Variants in FSIP1 observed in about 807,000 individuals in gnomAD.
FSIP1 encodes fibrous sheath interacting protein 1, also known as fibrous sheath-interacting protein 1.
FSIP1 carries 65 observed loss-of-function variants against 60.9 expected under a neutral mutation model. That is an observed-to-expected ratio of 1.07 (90% CI 0.87 to 1.31). The LOEUF is 1.31. Among genes scored for constraint, FSIP1 ranks in the 40% most tolerant of loss-of-function variants. The pLI is 0.00. For synonymous variants in FSIP1, 209 were observed against 221.2 expected (o/e 0.94, Z 0.49); for missense variants, 675 against 665.5 (o/e 1.01, Z -0.16).
chr15:39,630,077 C>G (rs1442812237), intron 10 of FSIP1, among the ~76,000 whole-genome samples: 2 of 152,216 alleles, frequency 1.3e-5, no homozygotes, highest in East Asian at 3.8e-4. Context: ...AGACACGTAT[C>G]TGAAATATCT....
At chr15:39,738,947 T>C (rs188125071) in intron 7 of FSIP1, among the ~76,000 whole-genome samples, 18 of 152,314 alleles carry the variant, frequency 1.2e-4, no homozygotes, top group African/African-American at 4.3e-4. Flanking sequence ...TAACTCTCTC[T>C]TGTCAATACT....
At chr15:39,704,391 C>A (rs1013930953) in intron 10 of FSIP1, among the ~76,000 whole-genome samples, 1 of 152,218 alleles carries the variant, frequency 6.6e-6, no homozygotes, top group African/African-American at 2.4e-5. Context: ...CATGTCAGGT[C>A]TGTTTGGAGT....
intron 5 of FSIP1, among the ~76,000 whole-genome samples, chr15:39,755,604 C>G (rs1897277203): frequency 6.6e-6 from 1 of 152,124 alleles, no homozygotes; most frequent in Admixed American, 6.6e-5. Context: ...GTGATTTCCT[C>G]CCTCTACCCT....
intron 10 of FSIP1, among the ~76,000 whole-genome samples, chr15:39,683,714 G>C (rs1894254557): frequency 6.6e-6 from 1 of 152,130 alleles, no homozygotes; most frequent in Non-Finnish European, 1.5e-5. Flanking sequence ...GAACTAATAA[G>C]TCATTTTAGC....
In FSIP1 at chr15:39,600,200, T is replaced by C. The variant is rs1050531215; in HGVS notation, c.*680A>G. 4 of 152,204 alleles carry C rather than the reference T, an allele frequency of 2.6e-5. No individual in the cohort carries two copies. Among genetic ancestry groups the C allele is most frequent in the Non-Finnish European group, 5.9e-5 (4 of 68,034 alleles). The allele number at this position is 152,204 out of a possible 1,614,324, so 9.4% of individuals were successfully genotyped here. A position where few individuals can be genotyped will look rare whatever the true frequency, so the allele number is the denominator to read the frequency against. On this transcript the variant is annotated 3_prime_UTR_variant, in exon 12 of 12. Coordinates refer to ENST00000350221, the MANE Select transcript of FSIP1 (RefSeq NM_152597.5). Reference sequence around the variant, plus strand: ...TGACTTGTAACTAAACCATCTCTCTTCAAATAGTACCGCAGACTGTCTTTT... The same window carrying C: ...TGACTTGTAACTAAACCATCTCTCTCCAAATAGTACCGCAGACTGTCTTTT...
chr15:39,774,326 T>C (rs1897982160), intron 2 of FSIP1, among the ~76,000 whole-genome samples: 1 of 152,010 alleles, frequency 6.6e-6, no homozygotes, highest in Non-Finnish European at 1.5e-5. Context: ...CTACTAAAAA[T>C]AGAAAAATTA....
At chr15:39,775,010 T>G (rs1387041394) in intron 2 of FSIP1, among the ~76,000 whole-genome samples, 5 of 152,114 alleles carry the variant, frequency 3.3e-5, no homozygotes, top group Admixed American at 3.3e-4. Flanking sequence ...CTAAACTCTT[T>G]TTTGCAGTGG....
chr15:39,770,753 T>C, intron 2 of FSIP1, 143 bp from the exon 3 acceptor site: 4 of 522,022 alleles, frequency 7.7e-6, no homozygotes, highest in Middle Eastern at 4.9e-4. Flanking sequence ...ATTCTAGAAA[T>C]ATAACACTCT....
At chr15:39,775,121 TC>T (rs1898010885) in intron 2 of FSIP1, among the ~76,000 whole-genome samples, 1 of 152,196 alleles carries the variant, frequency 6.6e-6, no homozygotes. Flanking sequence ...AATCAAGCTA[TC>T]CTCTTGCCTC....
At chr15:39,622,856 T>C (rs1891492633) in intron 10 of FSIP1, among the ~76,000 whole-genome samples, 1 of 152,176 alleles carries the variant, frequency 6.6e-6, no homozygotes, top group Non-Finnish European at 1.5e-5. Flanking sequence ...CTGCTGCTCA[T>C]TTTTCTGTCC....
chr15:39,643,317 C>A (rs1015757137), intron 10 of FSIP1, among the ~76,000 whole-genome samples: 6 of 152,130 alleles, frequency 3.9e-5, no homozygotes, highest in Admixed American at 3.9e-4. Flanking sequence ...TTCCTTCTTA[C>A]GGTTTCAAAA....
At chr15:39,627,522 A>G (rs1239423975) in intron 10 of FSIP1, among the ~76,000 whole-genome samples, 1 of 152,178 alleles carries the variant, frequency 6.6e-6, no homozygotes. Context: ...TGAAGGAGTT[A>G]CTTTCCCCCA....
chr15:39,640,031 T>C lies in FSIP1; in HGVS notation c.1189-21786A>G, dbSNP rs80150080. ...CAAAGAGAAGATGCTCAGTAAATAT[T>C]TGTTGATGAAATAAATAAATACTTA... On this transcript the variant is annotated intron_variant, in intron 10 of 11. Coordinates refer to ENST00000350221, the MANE Select transcript of FSIP1 (RefSeq NM_152597.5). 2.4e-3 allele frequency among the ~76,000 whole-genome samples: 370 copies of C among 152,322 alleles called. 10 individuals carry two copies. The East Asian group carries it at 0.025, about 10-fold the overall frequency.
Position 39,738,199 on chromosome 15 carries a change from C to T in FSIP1, c.783G>A (p.Leu261=), listed in dbSNP as rs373578120. 348 of 1,593,024 alleles carry T rather than the reference C, an allele frequency of 2.2e-4. No individual in the cohort carries two copies. Among genetic ancestry groups the T allele is most frequent in the Non-Finnish European group, 2.6e-4 (301 of 1,165,468 alleles). ...CCACTGGGTTTCTTGATTCCTTGGC[C>T]AACTACAGAATTTATTAATGGAAAA... ...NQDFIKRNIE[L]AKESRNPVVM... Residue 261 remains leucine (L), a splice_region_variant and synonymous_variant, in exon 8 of 12, where the codon TTG becomes TTA. Transcript: ENST00000350221.
At chr15:39,726,216 T>C (rs973402677) in intron 9 of FSIP1, among the ~76,000 whole-genome samples, 2 of 152,128 alleles carry the variant, frequency 1.3e-5, no homozygotes, top group African/African-American at 4.8e-5. Flanking sequence ...TAAAAGAATG[T>C]GGTGGAGTAA....
At chr15:39,712,936 G>T (rs1244570974) in intron 10 of FSIP1, among the ~76,000 whole-genome samples, 1 of 152,106 alleles carries the variant, frequency 6.6e-6, no homozygotes, top group Non-Finnish European at 1.5e-5. Flanking sequence ...AAAACATAGG[G>T]AAGATTTTAG....
At chr15:39,716,966 C>A (rs1290866636) in intron 9 of FSIP1, among the ~76,000 whole-genome samples, 3 of 152,096 alleles carry the variant, frequency 2.0e-5, no homozygotes, top group Admixed American at 2.0e-4. Flanking sequence ...AGGCATGCAC[C>A]ACCATGCCTG....
At chr15:39,708,646 T>C (rs969614709) in intron 10 of FSIP1, among the ~76,000 whole-genome samples, 4 of 152,148 alleles carry the variant, frequency 2.6e-5, no homozygotes, top group African/African-American at 9.7e-5. Flanking sequence ...GCTAAATAAA[T>C]ACATGTAGCC....
intron 10 of FSIP1, among the ~76,000 whole-genome samples, chr15:39,685,857 C>T (rs1391440748): frequency 1.3e-5 from 2 of 152,154 alleles, no homozygotes; most frequent in Non-Finnish European, 2.9e-5. Flanking sequence ...CTGTGTCCCA[C>T]GATACACTCC....
Sources: gnomAD v4.1 joint callset for allele counts (sites outside exome capture counted in the v4.1 genomes callset) on GRCh38, gnomAD v4.1.1 for gene constraint, MANE v1.5 for transcripts, NCBI Gene and HGNC (gene_info 2026-07-23, HGNC 2026-07-21) for gene names.